Variants in TRDN observed in about 807,000 individuals in gnomAD.
TRDN encodes the protein triadin in skeletal muscle.
TRDN carries 161 observed loss-of-function variants against 149.7 expected under a neutral mutation model. That is an observed-to-expected ratio of 1.08 (90% CI 0.95 to 1.23). The LOEUF (loss-of-function observed/expected upper bound fraction) is 1.23. TRDN is among the 50% of genes most tolerant of loss of function. TRDN has a pLI of 0.00. For missense variants in TRDN, 896 were observed against 823.5 expected (o/e 1.09, Z -1.08); for synonymous variants, 294 against 250.5 (o/e 1.17, Z -1.64).
rs933099724 is a variant in TRDN at position 123,315,282 on chromosome 6, G to A, written c.1510+1175C>T. Among the ~76,000 whole-genome samples, 4 of 151,900 alleles carry A rather than the reference G, an allele frequency of 2.6e-5. No individual in the cohort carries two copies. The East Asian group carries it at 7.8e-4, about 29-fold the overall frequency. ...CTAAAGTTTATTTGTAACTTTTGAT[G>A]TAAACACTCAATATAACATTTTATC... On this transcript the variant is annotated intron_variant, in intron 24 of 40. Transcript: ENST00000334268.
rs564454745 is a variant in TRDN at position 123,327,558 on chromosome 6, A to G, written c.1471+4321T>C. On this transcript the variant is annotated intron_variant, in intron 23 of 40. Transcript: ENST00000334268. ...ACATGAAAATGTCATCAATATTTAG[A>G]TACATTTATTCTTTGTAACAGAGTT... 2.0e-5 allele frequency among the ~76,000 whole-genome samples: 3 copies of G among 152,242 alleles called. No homozygotes were observed. In the East Asian group the frequency reaches 5.8e-4, roughly 29 times the overall value.
chr6:123,233,506 C>T (rs1775683413), intron 38 of TRDN, among the ~76,000 whole-genome samples: 1 of 152,094 alleles, frequency 6.6e-6, no homozygotes, highest in African/African-American at 2.4e-5. Context: ...ACACGGCTCT[C>T]TTGAGGGCAA....
chr6:123,492,231 TCAGA>T (rs1778252834), intron 9 of TRDN, among the ~76,000 whole-genome samples: 2 of 152,070 alleles, frequency 1.3e-5, no homozygotes, highest in South Asian at 2.1e-4. Context: ...CAAGTAAAAG[TCAGA>T]CAGTAGCTGA....
intron 12 of TRDN, among the ~76,000 whole-genome samples, chr6:123,423,792 C>T (rs1774003382): frequency 6.6e-6 from 1 of 152,078 alleles, no homozygotes; most frequent in South Asian, 2.1e-4. Context: ...TCAAGATTAG[C>T]TACCACGTCA....
intron 16 of TRDN, among the ~76,000 whole-genome samples, chr6:123,380,724 T>G (rs1459540651): frequency 1.3e-5 from 2 of 151,974 alleles, no homozygotes; most frequent in African/African-American, 4.8e-5. Context: ...GTTTTTTTTT[T>G]TTTTGCTTTC....
chr6:123,582,145 T>C (rs1446718099), intron 1 of TRDN, among the ~76,000 whole-genome samples: 1 of 152,090 alleles, frequency 6.6e-6, no homozygotes, highest in Non-Finnish European at 1.5e-5. Context: ...TATACATTGG[T>C]TCAGTTCAGA....
At chr6:123,370,656 A>T (rs868304859) in intron 19 of TRDN, among the ~76,000 whole-genome samples, 1 of 152,162 alleles carries the variant, frequency 6.6e-6, no homozygotes, top group Non-Finnish European at 1.5e-5. Flanking sequence ...TAAATTCTGC[A>T]TTCACATCAG....
At chr6:123,473,155 G>A (rs1178479190) in intron 9 of TRDN, among the ~76,000 whole-genome samples, 2 of 152,188 alleles carry the variant, frequency 1.3e-5, no homozygotes, top group African/African-American at 4.8e-5. Flanking sequence ...TGAGCTACAG[G>A]AGGACATTCA....
intron 1 of TRDN, among the ~76,000 whole-genome samples, chr6:123,615,498 A>G (rs571334517): frequency 9.2e-5 from 14 of 151,816 alleles, no homozygotes; most frequent in East Asian, 5.8e-4. Context: ...GTGTGTGTGT[A>G]TATATATAAT....
intron 38 of TRDN, among the ~76,000 whole-genome samples, chr6:123,247,670 C>T (rs911985166): frequency 3.9e-5 from 6 of 152,180 alleles, no homozygotes; most frequent in African/African-American, 1.4e-4. Flanking sequence ...AATGACCCTA[C>T]TACCTAAAGT....
chr6:123,221,139 A>G (rs1170060866), intron 40 of TRDN, among the ~76,000 whole-genome samples: 1 of 151,776 alleles, frequency 6.6e-6, no homozygotes, highest in Non-Finnish European at 1.5e-5. Flanking sequence ...CCTGATATAA[A>G]AAAATTTGGC....
At chr6:123,619,501 C>T (rs1562135030) in intron 1 of TRDN, among the ~76,000 whole-genome samples, 1 of 152,122 alleles carries the variant, frequency 6.6e-6, no homozygotes, top group Non-Finnish European at 1.5e-5. Context: ...AAACCAGCAA[C>T]CTGGATATGT....
intron 1 of TRDN, among the ~76,000 whole-genome samples, chr6:123,604,964 T>A (rs968218549): frequency 6.6e-6 from 1 of 152,090 alleles, no homozygotes; most frequent in Non-Finnish European, 1.5e-5. Context: ...TTCTTAGTTC[T>A]TAATATTTTA....
intron 5 of TRDN, chr6:123,529,027 C>G: frequency 7.4e-7 from 1 of 1,357,898 alleles, no homozygotes; most frequent in South Asian, 1.8e-5. Flanking sequence ...GTTTAATAAA[C>G]CTACTCTACA....
rs140563842 is a variant in TRDN at position 123,420,897 on chromosome 6, C to A, written c.1051+17166G>T. 5.3e-5 allele frequency among the ~76,000 whole-genome samples: 8 copies of A among 152,136 alleles called. No individual in the cohort carries two copies. In the East Asian group the frequency reaches 1.5e-3, roughly 29 times the overall value. On this transcript the variant is annotated intron_variant, in intron 12 of 40. Transcript: ENST00000334268. ...CAAAAGGAAAATGGTTTTTGGGTTC[C>A]CCAAAATATTGTTTAACAACAACTG... is the stretch of plus-strand genomic sequence containing the variant.
intron 2 of TRDN, among the ~76,000 whole-genome samples, chr6:123,556,695 T>C (rs1208631199): frequency 6.6e-6 from 1 of 151,806 alleles, no homozygotes; most frequent in African/African-American, 2.4e-5. Flanking sequence ...TCTCTAAATC[T>C]CACTCACTCT....
intron 21 of TRDN, chr6:123,350,712 ATTG>A (rs1780431114): frequency 3.6e-6 from 3 of 839,162 alleles, no homozygotes; most frequent in African/African-American, 1.8e-5. Flanking sequence ...ATTTCCTATG[ATTG>A]TTATGATTGA....
At chr6:123,550,772 C>G (rs1229101333) in intron 2 of TRDN, among the ~76,000 whole-genome samples, 4 of 151,862 alleles carry the variant, frequency 2.6e-5, no homozygotes, top group African/African-American at 9.7e-5. Context: ...TCAGTGACCC[C>G]AGGAATAAAA....
chr6:123,250,232 A>T (rs989766816), intron 38 of TRDN, among the ~76,000 whole-genome samples: 2 of 152,092 alleles, frequency 1.3e-5, no homozygotes, highest in Non-Finnish European at 2.9e-5. Flanking sequence ...TGGCTGTAAA[A>T]GTTGGAGGAC....
Sources: gnomAD v4.1 joint callset for allele counts (sites outside exome capture counted in the v4.1 genomes callset) on GRCh38, gnomAD v4.1.1 for gene constraint, MANE v1.5 for transcripts, NCBI Gene and HGNC (gene_info 2026-07-23, HGNC 2026-07-21) for gene names.